NREP: variants seen among roughly 807,000 people sequenced by gnomAD.
NREP encodes the protein neuronal regeneration related protein, also known as neuronal regeneration-related protein.
A neutral mutation model predicts 8.6 loss-of-function variants in NREP; 5 were observed. The observed-to-expected ratio is 0.58, with a 90% CI of 0.30 to 1.22. NREP has a LOEUF of 1.22. NREP is among the 50% of genes most tolerant of loss of function. NREP has a pLI of 0.07. For missense variants in NREP, 86 were observed against 82.5 expected (o/e 1.04, Z -0.17); for synonymous variants, 27 against 28.0 (o/e 0.96, Z 0.11).
At chr5:111,901,776 A>T (rs1367938712) in intron 2 of NREP, among the ~76,000 whole-genome samples, 1 of 152,168 alleles carries the variant, frequency 6.6e-6, no homozygotes, top group Non-Finnish European at 1.5e-5. Flanking sequence ...AATTGAAATT[A>T]TAAAATACTG....
chr5:111,957,422 T>TC (rs1459332566), intron 2 of NREP, among the ~76,000 whole-genome samples: 1 of 151,728 alleles, frequency 6.6e-6, no homozygotes, highest in Non-Finnish European at 1.5e-5. Flanking sequence ...AAACCACCCC[T>TC]CCCCAAAGAC....
rs76639768 is a variant in NREP at position 111,782,424 on chromosome 5, G to A, written c.136-46917C>T. Among the ~76,000 whole-genome samples the A allele has an allele frequency of 7.9e-3, 1,203 of 152,298 alleles. 19 individuals carry two copies. The highest frequency in any genetic ancestry group is 0.028 in the African/African-American group (1,156 of 41,574). ...GCATGTGTTGGAGTATAAATGGCAA[G>A]CCTCAGAGATGTGATCATATATTCT... On this transcript the variant is annotated intron_variant, in intron 2 of 3. Coordinates refer to the NREP transcript ENST00000395634.
chr5:111,975,308 A>G, exon 2 of NREP: 1 of 1,551,602 alleles, frequency 6.4e-7, no homozygotes, highest in Non-Finnish European at 8.7e-7. Context: ...GTGAACCTGG[A>G]AACATTTGGA....
At chr5:111,814,520 C>T (rs1752341948) in intron 2 of NREP, among the ~76,000 whole-genome samples, 1 of 152,100 alleles carries the variant, frequency 6.6e-6, no homozygotes, top group Non-Finnish European at 1.5e-5. Flanking sequence ...TTTTGAGAAA[C>T]AGTAGGATTA....
intron 2 of NREP, among the ~76,000 whole-genome samples, chr5:111,867,117 C>T (rs1385439976): frequency 2.7e-5 from 4 of 150,806 alleles, no homozygotes; most frequent in Non-Finnish European, 4.4e-5. Flanking sequence ...GCACGTTGTG[C>T]ACATGTACCC....
chr5:111,880,183 T>C (rs138058985), intron 2 of NREP, among the ~76,000 whole-genome samples: 1 of 152,284 alleles, frequency 6.6e-6, no homozygotes, highest in East Asian at 1.9e-4. Flanking sequence ...CACCTCTCTC[T>C]GTTTACTCAT....
intron 2 of NREP, among the ~76,000 whole-genome samples, chr5:111,813,346 T>C (rs1752311662): frequency 1.3e-5 from 2 of 152,190 alleles, no homozygotes; most frequent in African/African-American, 4.8e-5. Context: ...ATAACACTTA[T>C]AATATTTTTC....
At chr5:111,972,107 T>C (rs538042740) in intron 2 of NREP, among the ~76,000 whole-genome samples, 21 of 152,160 alleles carry the variant, frequency 1.4e-4, no homozygotes, top group Admixed American at 1.4e-3. Context: ...AAAGTGGACA[T>C]ACAAATAGCC....
intron 2 of NREP, among the ~76,000 whole-genome samples, chr5:111,905,496 C>T (rs1299199206): frequency 2.6e-5 from 4 of 152,060 alleles, no homozygotes; most frequent in East Asian, 3.9e-4. Context: ...GTATAAATAG[C>T]GGTCCATGGA....
intron 2 of NREP, among the ~76,000 whole-genome samples, chr5:111,752,523 A>G (rs994207792): frequency 4.6e-5 from 7 of 152,262 alleles, no homozygotes; most frequent in Admixed American, 2.0e-4. Flanking sequence ...TCCCTCCCCA[A>G]TCTTTGTCTT....
At chr5:111,910,001 C>G (rs1754869818) in intron 2 of NREP, among the ~76,000 whole-genome samples, 1 of 152,096 alleles carries the variant, frequency 6.6e-6, no homozygotes, top group South Asian at 2.1e-4. Context: ...ATGTAAAAGA[C>G]TGACTTGATT....
intron 2 of NREP, among the ~76,000 whole-genome samples, chr5:111,877,433 C>G (rs902577266): frequency 6.6e-6 from 1 of 152,220 alleles, no homozygotes; most frequent in African/African-American, 2.4e-5. Flanking sequence ...TCACCAACAT[C>G]AGAATCACTC....
At position 111,794,865 on chromosome 5, in the gene NREP, A is replaced by G. The variant is rs540760635; in HGVS notation, c.136-59358T>C. Reference sequence around the variant, plus strand: ...ATGATGTGTCAGTGTAGGTTCATCAATTGTAACAAATGTATCACTGGGCTG... The same window carrying G: ...ATGATGTGTCAGTGTAGGTTCATCAGTTGTAACAAATGTATCACTGGGCTG... On this transcript the variant is annotated intron_variant, in intron 2 of 3. Transcript: ENST00000395634. 6.6e-5 allele frequency among the ~76,000 whole-genome samples: 10 copies of G among 152,238 alleles called. No individual in the cohort carries two copies. The South Asian group carries it at 2.1e-3, about 32-fold the overall frequency.
chr5:111,965,223 A>C (rs1207154611), intron 2 of NREP, among the ~76,000 whole-genome samples: 2 of 152,172 alleles, frequency 1.3e-5, no homozygotes, highest in Non-Finnish European at 2.9e-5. Context: ...TGAAGACCCC[A>C]GCAAACATTC....
intron 2 of NREP, among the ~76,000 whole-genome samples, chr5:111,855,752 A>C (rs1753411789): frequency 6.6e-6 from 1 of 152,170 alleles, no homozygotes; most frequent in African/African-American, 2.4e-5. Flanking sequence ...TCCTGATCCC[A>C]CATGCAAAGC....
chr5:111,830,420 G>A (rs58553664), intron 2 of NREP, among the ~76,000 whole-genome samples: 1 of 152,298 alleles, frequency 6.6e-6, no homozygotes, highest in East Asian at 1.9e-4. Context: ...AAACCTCAGA[G>A]CCCCAGAGGA....
At chr5:111,950,150 C>G (rs752040259) in intron 2 of NREP, among the ~76,000 whole-genome samples, 1 of 151,960 alleles carries the variant, frequency 6.6e-6, no homozygotes, top group Non-Finnish European at 1.5e-5. Context: ...GTGGGTGTCT[C>G]ACTGTGGTTT....
At chr5:111,801,032 C>T (rs904217821) in intron 2 of NREP, among the ~76,000 whole-genome samples, 1 of 152,154 alleles carries the variant, frequency 6.6e-6, no homozygotes, top group Non-Finnish European at 1.5e-5. Flanking sequence ...AGTTTTGGAG[C>T]AACTCCCTGA....
chr5:111,900,440 G>A (rs772466977), intron 2 of NREP, among the ~76,000 whole-genome samples: 1 of 151,642 alleles, frequency 6.6e-6, no homozygotes, highest in African/African-American at 2.4e-5. Flanking sequence ...GAATGTAATA[G>A]AGGCTAAAAA....
Sources: allele counts gnomAD v4.1 joint callset (sites outside exome capture counted in the v4.1 genomes callset), GRCh38; gene constraint gnomAD v4.1.1; transcripts MANE v1.5; gene names NCBI Gene and HGNC (gene_info 2026-07-23, HGNC 2026-07-21).